Variants in CLNK observed in about 807,000 individuals in gnomAD.
CLNK encodes the protein cytokine dependent hematopoietic cell linker, also known as cytokine-dependent hematopoietic cell linker.
CLNK carries 74 observed loss-of-function variants against 68.6 expected under a neutral mutation model. The ratio of observed to expected loss-of-function variants is 1.08; its 90% CI spans 0.89 to 1.31. The LOEUF is 1.31. CLNK is among the 50% of genes most tolerant of loss of function. CLNK has a pLI of 0.00. For synonymous variants in CLNK, 198 were observed against 172.2 expected (o/e 1.15, Z -1.17); for missense variants, 553 against 515.3 (o/e 1.07, Z -0.71).
intron 15 of CLNK, among the ~76,000 whole-genome samples, chr4:10,518,929 A>C (rs974441504): frequency 2.6e-5 from 4 of 152,192 alleles, no homozygotes; most frequent in African/African-American, 9.7e-5. Flanking sequence ...TCCAGGCATG[A>C]ATTCATACCC....
chr4:10,696,719 C>CA, the CLNK span, among the ~76,000 whole-genome samples: 2 of 152,292 alleles, frequency 1.3e-5, no homozygotes, highest in Admixed American at 1.3e-4. Context: ...CAGCCTGCCA[C>CA]TTTCCCATTT....
At chr4:10,707,713 C>T in the CLNK span, among the ~76,000 whole-genome samples, 3 of 152,172 alleles carry the variant, frequency 2.0e-5, no homozygotes, top group Admixed American at 2.0e-4. Context: ...TCAGTTTTTC[C>T]ATTAACAGTT....
chr4:10,531,876 A>G, intron 12 of CLNK: 1 of 471,040 alleles, frequency 2.1e-6, no homozygotes, highest in South Asian at 1.6e-5. Context: ...TATTCCTTCT[A>G]CTTTGCATTC....
In CLNK at chr4:10,684,208, A is replaced by C. The variant is rs149366119; in HGVS notation, c.-43+460T>G. Among the ~76,000 whole-genome samples the C allele has an allele frequency of 4.6e-3, 705 of 152,324 alleles. 5 individuals carry two copies. The highest frequency in any genetic ancestry group is 0.015 in the African/African-American group (633 of 41,568). On this transcript the variant is annotated intron_variant, in intron 1 of 18. Coordinates refer to ENST00000226951, the MANE Select transcript of CLNK (RefSeq NM_052964.4). ...GTCTAAGTCTCCTCTACACCAAAGC[A>C]GAAAGAAAATCGTATTACTTTAGAA...
At chr4:10,550,934 A>G (rs983528208) in intron 8 of CLNK, among the ~76,000 whole-genome samples, 2 of 152,198 alleles carry the variant, frequency 1.3e-5, no homozygotes, top group African/African-American at 4.8e-5. Context: ...CTGAGATTCC[A>G]CGCAGCGAAT....
chr4:10,522,264 A>T lies in CLNK; in HGVS notation c.732-1433T>A, dbSNP rs868360728. On this transcript the variant is annotated intron_variant, in intron 14 of 18. Coordinates refer to ENST00000226951, the MANE Select transcript of CLNK (RefSeq NM_052964.4). Reference sequence around the variant, plus strand: ...CAGAGTGAGACTCTGTCTCAAAAAAAAAAAAAAAAAGAAAAAGGAAAATTA... The same window carrying T: ...CAGAGTGAGACTCTGTCTCAAAAAATAAAAAAAAAAGAAAAAGGAAAATTA... Among the ~76,000 whole-genome samples, 1,199 of 150,170 alleles carry T rather than the reference A, an allele frequency of 8.0e-3. 19 individuals are homozygous for T. The highest frequency in any genetic ancestry group is 0.027 in the African/African-American group (1,114 of 40,878).
intron 2 of CLNK, among the ~76,000 whole-genome samples, chr4:10,598,386 C>T (rs1721464308): frequency 6.6e-6 from 1 of 152,218 alleles, no homozygotes; most frequent in Non-Finnish European, 1.5e-5. Context: ...CAGTATCTGT[C>T]TCTTCTGTAA....
At chr4:10,723,580 G>A in the CLNK span, among the ~76,000 whole-genome samples, 2 of 152,108 alleles carry the variant, frequency 1.3e-5, no homozygotes, top group Non-Finnish European at 2.9e-5. Flanking sequence ...TTGAGGAAAT[G>A]CTGGCTCTTA....
chr4:10,712,187 G>T, the CLNK span, among the ~76,000 whole-genome samples: 1 of 152,168 alleles, frequency 6.6e-6, no homozygotes, highest in Non-Finnish European at 1.5e-5. Context: ...CTCATAAAGA[G>T]AAAGGTGAGG....
the CLNK span, among the ~76,000 whole-genome samples, chr4:10,696,258 T>C: frequency 6.6e-6 from 1 of 152,102 alleles, no homozygotes; most frequent in African/African-American, 2.4e-5. Flanking sequence ...GGCCTTGCCG[T>C]TCTTTGGTCC....
chr4:10,722,708 C>T, the CLNK span, among the ~76,000 whole-genome samples: 2 of 152,138 alleles, frequency 1.3e-5, no homozygotes. Context: ...GGAGTGGGCC[C>T]AAGCAAACAG....
At chr4:10,570,296 G>A (rs113747792) in intron 5 of CLNK, among the ~76,000 whole-genome samples, 95 of 152,236 alleles carry the variant, frequency 6.2e-4, no homozygotes, top group African/African-American at 2.3e-3. Context: ...GTAGAGTCAG[G>A]ACATGATAAG....
At chr4:10,716,565 A>G in the CLNK span, among the ~76,000 whole-genome samples, 5 of 152,168 alleles carry the variant, frequency 3.3e-5, no homozygotes, top group Non-Finnish European at 5.9e-5. Flanking sequence ...CGTGTCCCAA[A>G]CTTCAGTTGA....
chr4:10,694,369 C>G, the CLNK span, among the ~76,000 whole-genome samples: 8 of 152,166 alleles, frequency 5.3e-5, no homozygotes, highest in South Asian at 2.1e-4. Flanking sequence ...GACCCAGGAA[C>G]TGTGCATGCA....
At chr4:10,587,490 A>G (rs1312965993) in intron 3 of CLNK, among the ~76,000 whole-genome samples, 1 of 152,216 alleles carries the variant, frequency 6.6e-6, no homozygotes, top group Non-Finnish European at 1.5e-5. Context: ...TCACAGGAGC[A>G]ATTAATTGAA....
At chr4:10,537,634 T>TC (rs1422192272) in intron 11 of CLNK, among the ~76,000 whole-genome samples, 32 of 129,186 alleles carry the variant, frequency 2.5e-4, no homozygotes, top group Middle Eastern at 4.0e-3. Context: ...TCTTTCTTTC[T>TC]TTCTCTTTCT....
chr4:10,565,116 T>C (rs1024848248), intron 6 of CLNK, among the ~76,000 whole-genome samples: 2 of 152,182 alleles, frequency 1.3e-5, no homozygotes, highest in African/African-American at 2.4e-5. Context: ...CTCTCCTTTC[T>C]ATATTACACA....
chr4:10,699,268 C>CACACACACCACGTGTGTGTAT, the CLNK span, among the ~76,000 whole-genome samples: 2 of 32,380 alleles, frequency 6.2e-5, no homozygotes, highest in African/African-American at 8.3e-5. Flanking sequence ...TGTGTATACA[C>CACACACACCACGTGTGTGTAT]ACACACACAC....
At chr4:10,561,099 C>G (rs543439011) in intron 7 of CLNK, among the ~76,000 whole-genome samples, 1 of 151,924 alleles carries the variant, frequency 6.6e-6, no homozygotes, top group African/African-American at 2.4e-5. Context: ...TGAGATGTTA[C>G]TATGTTACTC....
Sources: gnomAD v4.1 joint callset for allele counts (sites outside exome capture counted in the v4.1 genomes callset) on GRCh38, gnomAD v4.1.1 for gene constraint, MANE v1.5 for transcripts, NCBI Gene and HGNC (gene_info 2026-07-23, HGNC 2026-07-21) for gene names.